GPR158: variants seen among roughly 807,000 people sequenced by gnomAD.
The protein encoded by GPR158 is G protein-coupled receptor 158.
A neutral mutation model predicts 78.2 loss-of-function variants in GPR158; 30 were observed. The observed-to-expected ratio is 0.38, with a 90% confidence interval of 0.29 to 0.52. The LOEUF (loss-of-function observed/expected upper bound fraction) is 0.52. GPR158 is among the 20% of genes least tolerant of loss of function. GPR158 has a pLI of 0.83. For missense variants in GPR158, 1,463 were observed against 1,523.5 expected, an observed-to-expected ratio of 0.96 and a Z score of 0.66; for synonymous variants, 581 against 591.1, an observed-to-expected ratio of 0.98 and a Z score of 0.25.
At position 25,329,790 on chromosome 10, in the gene GPR158, GT is replaced by G. The variant is rs556132478; in HGVS notation, c.1009-66117del. Reference sequence around the variant, plus strand: ...CTTCCAAACACTTGTTTTATTACATGTTTTGTCACTAGGTTACGATGGCGTC... The same window carrying G: ...CTTCCAAACACTTGTTTTATTACATGTTTGTCACTAGGTTACGATGGCGTC... On this transcript the variant is annotated intron_variant, in intron 2 of 10. Transcript: ENST00000376351. 3.3e-3 allele frequency among the ~76,000 whole-genome samples: 505 copies of G among 151,440 alleles called. 7 individuals carry two copies. Among genetic ancestry groups the G allele is most frequent in the African/African-American group, 0.011 (466 of 40,840 alleles).
chr10:25,188,516 AAAACAAC>A (rs1260836360), intron 1 of GPR158, among the ~76,000 whole-genome samples: 1 of 152,222 alleles, frequency 6.6e-6, no homozygotes, highest in Non-Finnish European at 1.5e-5. Flanking sequence ...AAACCTGACA[AAAACAAC>A]AAATGGGTAA....
intron 1 of GPR158, among the ~76,000 whole-genome samples, chr10:25,218,271 C>T (rs574166641): frequency 6.6e-6 from 1 of 152,186 alleles, no homozygotes; most frequent in Admixed American, 6.5e-5. Flanking sequence ...CATTATATTC[C>T]ACGGTTTTGC....
intron 2 of GPR158, among the ~76,000 whole-genome samples, chr10:25,306,450 A>C (rs1854677228): frequency 6.6e-6 from 1 of 152,216 alleles, no homozygotes; most frequent in Non-Finnish European, 1.5e-5. Context: ...TCATCATGGT[A>C]CACAGAGTCG....
At chr10:25,181,866 A>C (rs1444111013) in intron 1 of GPR158, among the ~76,000 whole-genome samples, 1 of 151,848 alleles carries the variant, frequency 6.6e-6, no homozygotes, top group Non-Finnish European at 1.5e-5. Context: ...TACAGGCCCG[A>C]GCCACCATGC....
intron 4 of GPR158, among the ~76,000 whole-genome samples, chr10:25,442,797 T>G: frequency 6.6e-6 from 1 of 152,096 alleles, no homozygotes; most frequent in East Asian, 1.9e-4. Flanking sequence ...CCATCCCCAC[T>G]GCTACCATTC....
At chr10:25,485,578 T>C (rs1835725775) in intron 5 of GPR158, among the ~76,000 whole-genome samples, 1 of 152,184 alleles carries the variant, frequency 6.6e-6, no homozygotes, top group South Asian at 2.1e-4. Flanking sequence ...GTTATACATT[T>C]ATCTAAAACT....
At chr10:25,514,648 G>A (rs533659627) in intron 5 of GPR158, among the ~76,000 whole-genome samples, 4 of 152,086 alleles carry the variant, frequency 2.6e-5, no homozygotes, top group Non-Finnish European at 5.9e-5. Flanking sequence ...TTATTTTGGT[G>A]TATTTCAAGG....
At chr10:25,378,814 CA>C (rs1834118577) in intron 2 of GPR158, among the ~76,000 whole-genome samples, 1 of 151,992 alleles carries the variant, frequency 6.6e-6, no homozygotes, top group Non-Finnish European at 1.5e-5. Flanking sequence ...TGTTTTGAGA[CA>C]GGGTTTTGCT....
intron 4 of GPR158, among the ~76,000 whole-genome samples, chr10:25,433,575 G>A (rs1321093073): frequency 3.8e-4 from 55 of 145,814 alleles, no homozygotes; most frequent in African/African-American, 1.4e-3. Flanking sequence ...GTGTGTGCGC[G>A]CGCGCGTGCG....
At chr10:25,557,429 A>G (rs1836800630) in intron 6 of GPR158, among the ~76,000 whole-genome samples, 1 of 152,190 alleles carries the variant, frequency 6.6e-6, no homozygotes, top group South Asian at 2.1e-4. Flanking sequence ...AGAAACCATG[A>G]AAACAAGCAT....
intron 6 of GPR158, among the ~76,000 whole-genome samples, chr10:25,566,825 G>A (rs1836935839): frequency 6.6e-6 from 1 of 152,090 alleles, no homozygotes; most frequent in Non-Finnish European, 1.5e-5. Context: ...TTCTGAAAAT[G>A]AAACTTTGAG....
chr10:25,460,433 G>T (rs1835343222), intron 4 of GPR158, among the ~76,000 whole-genome samples: 1 of 152,116 alleles, frequency 6.6e-6, no homozygotes, highest in Non-Finnish European at 1.5e-5. Context: ...GACCTCAATT[G>T]ATCCGCCCAC....
intron 2 of GPR158, among the ~76,000 whole-genome samples, chr10:25,252,956 A>C (rs1214573652): frequency 6.6e-6 from 1 of 152,192 alleles, no homozygotes; most frequent in Non-Finnish European, 1.5e-5. Flanking sequence ...CTGTGCTAGC[A>C]ATCAGCGAGA....
At chr10:25,567,656 G>A (rs1339114664) in intron 6 of GPR158, among the ~76,000 whole-genome samples, 1 of 152,144 alleles carries the variant, frequency 6.6e-6, no homozygotes, top group African/African-American at 2.4e-5. Flanking sequence ...GTCATCCAGA[G>A]GGACCTGCAG....
At chr10:25,546,366 T>A (rs747810540) in intron 5 of GPR158, among the ~76,000 whole-genome samples, 8 of 152,208 alleles carry the variant, frequency 5.3e-5, no homozygotes, top group Non-Finnish European at 7.3e-5. Context: ...GACTTCTAGA[T>A]GTCTTCTGCA....
chr10:25,279,277 G>C (rs1040994990), intron 2 of GPR158, among the ~76,000 whole-genome samples: 1 of 152,092 alleles, frequency 6.6e-6, no homozygotes, highest in Admixed American at 6.5e-5. Flanking sequence ...GAAATTGACG[G>C]CCATAATAAC....
intron 2 of GPR158, among the ~76,000 whole-genome samples, chr10:25,374,093 T>C (rs895505260): frequency 1.1e-4 from 16 of 151,756 alleles, no homozygotes; most frequent in Non-Finnish European, 1.9e-4. Flanking sequence ...TTATTAAGTT[T>C]AAATGTATAT....
At chr10:25,481,912 T>A (rs770272259) in intron 5 of GPR158, among the ~76,000 whole-genome samples, 2 of 152,212 alleles carry the variant, frequency 1.3e-5, no homozygotes, top group East Asian at 3.9e-4. Context: ...GTTTTATACA[T>A]AGTCATGTAG....
chr10:25,397,216 T>G (rs1248051890), intron 3 of GPR158, among the ~76,000 whole-genome samples: 1 of 152,202 alleles, frequency 6.6e-6, no homozygotes. Flanking sequence ...AATTGAAACT[T>G]GGTCATCTGG....
Sources: allele counts gnomAD v4.1 joint callset (sites outside exome capture counted in the v4.1 genomes callset), GRCh38; gene constraint gnomAD v4.1.1; transcripts MANE v1.5; gene names NCBI Gene and HGNC (gene_info 2026-07-23, HGNC 2026-07-21).